DCAF5: variants seen among roughly 807,000 people sequenced by gnomAD.
DCAF5 encodes the protein DDB1- and CUL4-associated factor 5.
A neutral mutation model predicts 80.7 loss-of-function variants in DCAF5; 9 were observed. The ratio of observed to expected loss-of-function variants is 0.11; its 90% confidence interval spans 0.07 to 0.19. DCAF5 has a LOEUF of 0.19. Among genes scored for constraint, DCAF5 ranks in the 10% least tolerant of loss-of-function variants. The pLI, the probability that DCAF5 is intolerant of heterozygous loss-of-function variation, is 1.00. For synonymous variants in DCAF5, 433 were observed against 461.9 expected (o/e 0.94, Z 0.80); for missense variants, 842 against 1,205.7 (o/e 0.70, Z 4.47).
chr14:69,118,803 T>C lies in DCAF5; in HGVS notation c.395+391A>G, dbSNP rs893560054. Among the ~76,000 whole-genome samples, 7 of 152,178 alleles carry C rather than the reference T, an allele frequency of 4.6e-5. No homozygotes were observed. Among genetic ancestry groups the C allele is most frequent in the African/African-American group, 1.4e-4 (6 of 41,438 alleles). ...TCCTGATCTAGAACGGAGATGACAA[T>C]AGTATCTCCTCAGAAAATGAGTGTG... On this transcript the variant is annotated intron_variant, in intron 3 of 8. Transcript: ENST00000341516. This position sits in a 1 kb window ranked among gnomAD's most constrained non-coding sequence, Gnocchi z 4.0.
chr14:69,086,066 A>G (rs1256791798), intron 6 of DCAF5, among the ~76,000 whole-genome samples: 1 of 152,206 alleles, frequency 6.6e-6, no homozygotes, highest in Non-Finnish European at 1.5e-5. Context: ...GCATTAAAAT[A>G]TAATAGTGGG....
At chr14:69,119,497 A>C (rs1169170113) in intron 2 of DCAF5, among the ~76,000 whole-genome samples, 1 of 152,070 alleles carries the variant, frequency 6.6e-6, no homozygotes, top group Non-Finnish European at 1.5e-5. Flanking sequence ...ATGTAAAAAA[A>C]AAAAACAACT....
intron 3 of DCAF5, 65 bp downstream of exon 3, chr14:69,119,129 G>A (rs2140062245): frequency 6.6e-7 from 1 of 1,526,124 alleles, no homozygotes; most frequent in Non-Finnish European, 8.9e-7. Flanking sequence ...AGTCTAAAGA[G>A]ATATTTGCCT....
At chr14:69,100,949 C>A (rs905716147) in intron 5 of DCAF5, among the ~76,000 whole-genome samples, 1 of 152,180 alleles carries the variant, frequency 6.6e-6, no homozygotes, top group Non-Finnish European at 1.5e-5. Flanking sequence ...AACATAGATA[C>A]CCCTGAAGAA....
At chr14:69,109,591 C>A (rs958381613) in intron 5 of DCAF5, among the ~76,000 whole-genome samples, 4 of 152,032 alleles carry the variant, frequency 2.6e-5, no homozygotes, top group African/African-American at 7.2e-5. Context: ...TATTTGAATT[C>A]TTTTATTCAA....
Position 69,152,093 on chromosome 14 carries a change from G to A in DCAF5, c.214+672C>T, listed in dbSNP as rs1180347545. Among the ~76,000 whole-genome samples, 1 of 152,172 alleles carries A rather than the reference G, an allele frequency of 6.6e-6. No homozygotes were observed. The highest frequency in any genetic ancestry group is 2.4e-5 in the African/African-American group (1 of 41,444). ...AGGCTGGTGCCCTTTAGCCTCCACA[G>A]CCCTCGCCACTCTCGAAACTGTATT... On this transcript the variant is annotated intron_variant, in intron 1 of 8. Transcript: ENST00000341516. This position sits in a 1 kb window ranked among gnomAD's most constrained non-coding sequence, Gnocchi z 4.1.
At chr14:69,095,885 G>A (rs1461203225) in intron 5 of DCAF5, among the ~76,000 whole-genome samples, 12 of 152,162 alleles carry the variant, frequency 7.9e-5, no homozygotes, top group Admixed American at 7.8e-4. Context: ...TAAGACCGGT[G>A]GAATGCTTGG....
At chr14:69,135,259 C>A (rs1404635258) in intron 1 of DCAF5, among the ~76,000 whole-genome samples, 1 of 152,206 alleles carries the variant, frequency 6.6e-6, no homozygotes, top group African/African-American at 2.4e-5. Context: ...GGCGCTAGGG[C>A]AGTGACGGCA....
intron 7 of DCAF5, among the ~76,000 whole-genome samples, chr14:69,074,025 G>A (rs189339703): frequency 1.3e-5 from 2 of 152,334 alleles, no homozygotes; most frequent in Admixed American, 1.3e-4. Flanking sequence ...AATTCTAGAA[G>A]AGGAAAAGCC....
chr14:69,139,956 G>A (rs1012643798), intron 1 of DCAF5, among the ~76,000 whole-genome samples: 3 of 151,496 alleles, frequency 2.0e-5, no homozygotes, highest in Non-Finnish European at 4.4e-5. Context: ...GGGAAGGAAA[G>A]GAGAAAGAAA....
chr14:69,131,398 G>A (rs1163923493), intron 1 of DCAF5, among the ~76,000 whole-genome samples: 1 of 152,122 alleles, frequency 6.6e-6, no homozygotes, highest in African/African-American at 2.4e-5. Context: ...TAAGCTCCAA[G>A]AAACTGCAGC....
At chr14:69,059,758 G>T (rs1232479226) in intron 8 of DCAF5, among the ~76,000 whole-genome samples, 5 of 152,164 alleles carry the variant, frequency 3.3e-5, no homozygotes, top group African/African-American at 1.2e-4. Flanking sequence ...GAGGACTCCA[G>T]AGCTTTTTGC....
chr14:69,083,692 A>T, intron 6 of DCAF5: 1 of 634,584 alleles, frequency 1.6e-6, no homozygotes, highest in Non-Finnish European at 2.9e-6. Flanking sequence ...AGAAGCAGCA[A>T]TGCAGTCTCC....
chr14:69,151,008 C>T (rs1448758468), intron 1 of DCAF5, among the ~76,000 whole-genome samples: 1 of 152,138 alleles, frequency 6.6e-6, no homozygotes, highest in Admixed American at 6.5e-5. Flanking sequence ...CTCCCTCACT[C>T]GGTAGGTAAA....
At chr14:69,071,079 T>G (rs2038674408) in intron 7 of DCAF5, among the ~76,000 whole-genome samples, 1 of 152,234 alleles carries the variant, frequency 6.6e-6, no homozygotes, top group South Asian at 2.1e-4. Flanking sequence ...ATTATAGGCA[T>G]GAGCCACTGC....
At chr14:69,072,051 G>A (rs2038714175) in intron 7 of DCAF5, among the ~76,000 whole-genome samples, 2 of 152,124 alleles carry the variant, frequency 1.3e-5, no homozygotes, top group South Asian at 2.1e-4. Flanking sequence ...ACAGCTGGGG[G>A]TGTCATTAAA....
At chr14:69,147,928 T>C (rs1467268575) in intron 1 of DCAF5, among the ~76,000 whole-genome samples, 1 of 152,072 alleles carries the variant, frequency 6.6e-6, no homozygotes, top group Non-Finnish European at 1.5e-5. Context: ...GGAAATAATA[T>C]AGCCACTCTC....
At chr14:69,117,862 A>C (rs1316349711) in intron 4 of DCAF5, among the ~76,000 whole-genome samples, 1 of 152,158 alleles carries the variant, frequency 6.6e-6, no homozygotes, top group Non-Finnish European at 1.5e-5. Context: ...TGTCAGCACC[A>C]CAACTTCTGC....
chr14:69,087,838 T>C (rs1225366935), intron 6 of DCAF5, among the ~76,000 whole-genome samples: 1 of 152,150 alleles, frequency 6.6e-6, no homozygotes, highest in Non-Finnish European at 1.5e-5. Flanking sequence ...AAGGAACTTG[T>C]CTCCATGAGT....
Sources: gnomAD v4.1 joint callset for allele counts (sites outside exome capture counted in the v4.1 genomes callset) on GRCh38, gnomAD v4.1.1 for gene constraint, Gnocchi (gnomAD v3.1) non-coding constraint, MANE v1.5 for transcripts, NCBI Gene and HGNC (gene_info 2026-07-23, HGNC 2026-07-21) for gene names.